Variants in RBMS2 observed in about 807,000 individuals in gnomAD.
The protein encoded by RBMS2 is RNA binding motif single stranded interacting protein 2.
Under a neutral mutation model 58.4 loss-of-function variants are expected in RBMS2, and 38 were observed. The observed-to-expected ratio is 0.65, with a 90% CI of 0.50 to 0.85. RBMS2 has a LOEUF of 0.85. Among genes scored for constraint, RBMS2 ranks in the 40% least tolerant of loss-of-function variants. RBMS2 has a pLI of 0.00. For synonymous variants in RBMS2, 151 were observed against 180.7 expected (o/e 0.84, Z 1.32); for missense variants, 367 against 503.7 (o/e 0.73, Z 2.60).
chr12:56,574,655 T>C (rs888143901), intron 5 of RBMS2, among the ~76,000 whole-genome samples: 1 of 152,202 alleles, frequency 6.6e-6, no homozygotes, highest in African/African-American at 2.4e-5. Context: ...TAGAGACTTT[T>C]GAAAAACTAT....
chr12:56,576,319 A>C (rs1002300805), intron 5 of RBMS2, among the ~76,000 whole-genome samples: 3 of 152,182 alleles, frequency 2.0e-5, no homozygotes, highest in Non-Finnish European at 4.4e-5. Flanking sequence ...CATGAGTGAC[A>C]CAGTGAGATT....
intron 1 of RBMS2, among the ~76,000 whole-genome samples, chr12:56,538,232 C>T (rs1255818616): frequency 2.0e-5 from 3 of 151,734 alleles, no homozygotes; most frequent in Non-Finnish European, 4.4e-5. Context: ...GGGGTTTTGC[C>T]ATGTTGGCCA....
At chr12:56,538,181 C>T (rs1376330519) in intron 1 of RBMS2, among the ~76,000 whole-genome samples, 1 of 151,710 alleles carries the variant, frequency 6.6e-6, no homozygotes, top group African/African-American at 2.4e-5. Flanking sequence ...TACAGACGTG[C>T]ACCACCATGC....
chr12:56,588,800 A>T, intron 12 of RBMS2, 132 bp from the exon 13 acceptor site: 1 of 790,720 alleles, frequency 1.3e-6, no homozygotes. Context: ...GGGTGGAAAC[A>T]CTCACACATG....
chr12:56,541,232 C>A (rs1431801735), intron 1 of RBMS2, among the ~76,000 whole-genome samples: 1 of 151,952 alleles, frequency 6.6e-6, no homozygotes, highest in African/African-American at 2.4e-5. Context: ...AACATTGATT[C>A]CTTGCCTATT....
chr12:56,533,197 C>A (rs1052945729), intron 1 of RBMS2, among the ~76,000 whole-genome samples: 1 of 151,942 alleles, frequency 6.6e-6, no homozygotes, highest in Non-Finnish European at 1.5e-5. Flanking sequence ...AACTCCTGGG[C>A]TCCTGTGATC....
chr12:56,578,916 A>G (rs1258344116), intron 5 of RBMS2, among the ~76,000 whole-genome samples: 1 of 152,132 alleles, frequency 6.6e-6, no homozygotes, highest in Non-Finnish European at 1.5e-5. Context: ...GTGAGCCGAG[A>G]TTGCACCACT....
At chr12:56,538,706 T>A (rs952877244) in intron 1 of RBMS2, among the ~76,000 whole-genome samples, 40 of 151,896 alleles carry the variant, frequency 2.6e-4, no homozygotes, top group Non-Finnish European at 4.0e-4. Flanking sequence ...GGTCTTGAAC[T>A]CCTGACCTCG....
upstream of RBMS2, among the ~76,000 whole-genome samples, chr12:56,521,603 A>G (rs1212927527): frequency 1.3e-5 from 2 of 149,624 alleles, no homozygotes; most frequent in Non-Finnish European, 3.0e-5. Context: ...AAGGGTGGAA[A>G]TAAAGCCCTC....
At position 56,589,671 on chromosome 12, in the gene RBMS2, C is replaced by G. The variant is rs1885165406; in HGVS notation, c.*538C>G. ...GTATGTGTTTTAAAAAGTATGCAGG[C>G]TCTAAAAATGTTATTTTGTAAAGCT... is the stretch of plus-strand genomic sequence containing the variant. On this transcript the variant is annotated 3_prime_UTR_variant, in exon 14 of 14. Transcript: ENST00000262031. The G allele has an allele frequency of 6.4e-6, 1 of 155,132 alleles. No homozygotes were observed. Among genetic ancestry groups the G allele is most frequent in the Admixed American group, 6.4e-5 (1 of 15,524 alleles). The allele number at this position is 155,132 out of a possible 1,614,324, so 9.6% of individuals were successfully genotyped here.
intron 1 of RBMS2, among the ~76,000 whole-genome samples, chr12:56,523,508 G>C (rs930413507): frequency 1.3e-5 from 2 of 152,204 alleles, no homozygotes; most frequent in African/African-American, 4.8e-5. Flanking sequence ...GGCTGGGCAT[G>C]GTGGCTTATG....
intron 5 of RBMS2, among the ~76,000 whole-genome samples, chr12:56,578,756 G>A (rs1883494333): frequency 6.6e-6 from 1 of 151,970 alleles, no homozygotes; most frequent in Non-Finnish European, 1.5e-5. Context: ...CTTGAGGCCA[G>A]AAGTTTGAGA....
chr12:56,586,721 A>C, intron 9 of RBMS2, 128 bp from the exon 10 acceptor site: 1 of 751,542 alleles, frequency 1.3e-6, no homozygotes, highest in Non-Finnish European at 2.2e-6. Flanking sequence ...TTTTAAAAAC[A>C]GTTTTTCTTA....
In RBMS2 at chr12:56,581,384, C is replaced by T; in HGVS notation, c.623-15C>T. 1 of 1,613,690 alleles carries T rather than the reference C, an allele frequency of 6.2e-7. No homozygotes were observed. Among genetic ancestry groups the T allele is most frequent in the Non-Finnish European group, 8.5e-7 (1 of 1,179,598 alleles). On this transcript the variant is annotated splice_polypyrimidine_tract_variant and intron_variant, in intron 6 of 13. Coordinates refer to ENST00000262031, the MANE Select transcript of RBMS2 (RefSeq NM_002898.4). Reference sequence around the variant, plus strand: ...AGGTGGGACTCAGCTGCCCATCTGCCTTCTCTCTCGGCAGCCCCATCCGAT... The same window carrying T: ...AGGTGGGACTCAGCTGCCCATCTGCTTTCTCTCTCGGCAGCCCCATCCGAT...
chr12:56,550,028 C>A (rs2694906), intron 1 of RBMS2, among the ~76,000 whole-genome samples: 151,735 of 152,272 alleles, frequency 1, 75,601 homozygotes, highest in East Asian at 1. Context: ...CTCCGTCTCG[C>A]AAAAAAAAGA....
Position 56,589,991 on chromosome 12 carries a change from C to T in RBMS2, c.*858C>T, listed in dbSNP as rs934737749. ...TTGGCTTCAGAAAGCACAGATGTGA[C>T]CCAGGCTTACTAAAGAGACAACTCC... On this transcript the variant is annotated 3_prime_UTR_variant, in exon 14 of 14. Coordinates refer to ENST00000262031, the MANE Select transcript of RBMS2 (RefSeq NM_002898.4). 2.0e-5 allele frequency: 3 copies of T among 152,156 alleles called. No homozygotes were observed. The highest frequency in any genetic ancestry group is 2.9e-5 in the Non-Finnish European group (2 of 68,054). 9.4% of individuals were successfully genotyped at this position (152,156 alleles called of 1,614,324 possible).
At chr12:56,572,410 T>A (rs1464312420) in intron 5 of RBMS2, among the ~76,000 whole-genome samples, 1 of 152,062 alleles carries the variant, frequency 6.6e-6, no homozygotes, top group Non-Finnish European at 1.5e-5. Flanking sequence ...AGGCTGCTCT[T>A]GAACATCTGG....
chr12:56,562,327 G>A, intron 1 of RBMS2, 90 bp from the exon 2 acceptor site: 1 of 1,255,402 alleles, frequency 8.0e-7, no homozygotes, highest in Non-Finnish European at 1.1e-6. Context: ...ATATAGTTTG[G>A]AATCATTTTT....
intron 1 of RBMS2, among the ~76,000 whole-genome samples, chr12:56,534,942 C>G (rs1344316676): frequency 1.3e-5 from 2 of 152,140 alleles, no homozygotes; most frequent in Non-Finnish European, 2.9e-5. Context: ...CGCCCAGCCC[C>G]AGTAAATGTT....
Sources: allele counts gnomAD v4.1 joint callset (sites outside exome capture counted in the v4.1 genomes callset), GRCh38; gene constraint gnomAD v4.1.1; transcripts MANE v1.5; gene names NCBI Gene and HGNC (gene_info 2026-07-23, HGNC 2026-07-21).